The following SERPINB7 variants were observed in gnomAD, a reference collection of about 807,000 sequenced individuals.
SERPINB7 encodes serpin family B member 7.
SERPINB7 carries 31 observed loss-of-function variants against 37.4 expected under a neutral mutation model. The ratio of observed to expected loss-of-function variants is 0.83; its 90% CI spans 0.62 to 1.12. SERPINB7 has a LOEUF of 1.12. Ranked by LOEUF, SERPINB7 falls within the 50% of genes most tolerant of loss-of-function variation. The pLI is 0.00. For missense variants in SERPINB7, 521 were observed against 455.3 expected (o/e 1.14, Z -1.31); for synonymous variants, 163 against 166.1 (o/e 0.98, Z 0.14).
At chr18:63,799,199 C>A (rs181956405) in intron 6 of SERPINB7, among the ~76,000 whole-genome samples, 1 of 152,120 alleles carries the variant, frequency 6.6e-6, no homozygotes, top group Non-Finnish European at 1.5e-5. Flanking sequence ...TATGCATTTC[C>A]AAGTACAAGC....
intron 5 of SERPINB7, among the ~76,000 whole-genome samples, chr18:63,798,339 C>G (rs189082788): frequency 2.4e-4 from 36 of 152,240 alleles, no homozygotes; most frequent in African/African-American, 8.2e-4. Context: ...GTGTCTTAAT[C>G]TCTTTGTGCC....
In SERPINB7 at chr18:63,783,251, A is replaced by AAAG. The variant is rs1491309984; in HGVS notation, c.168+714_168+716dup. Among the ~76,000 whole-genome samples, 116 of 146,668 alleles carry AAAG rather than the reference A, an allele frequency of 7.9e-4. 2 individuals carry two copies. The highest frequency in any genetic ancestry group is 2.9e-3 in the African/African-American group (114 of 39,074). ...GAGAGAGAGAAAGAAAGAAAGAAAG[A>AAAG]AAGAAAGAAAGAAAGAAAGAAAGAA... On this transcript the variant is annotated intron_variant, in intron 2 of 7. Transcript: ENST00000398019.
chr18:63,802,214 C>T (rs1291315132), intron 7 of SERPINB7, among the ~76,000 whole-genome samples: 1 of 152,180 alleles, frequency 6.6e-6, no homozygotes, highest in Non-Finnish European at 1.5e-5. Context: ...TGCCCTGTGA[C>T]TGATGTGGCA....
intron 2 of SERPINB7, among the ~76,000 whole-genome samples, chr18:63,783,228 G>GAAAGAA (rs1346398259): frequency 3.1e-3 from 148 of 47,306 alleles, no homozygotes; most frequent in East Asian, 4.8e-3. Flanking sequence ...GAGAGAGAGA[G>GAAAGAA]AGAGAGAAAG....
rs778253378 is a variant in SERPINB7 at position 63,804,274 on chromosome 18, G to T, written c.782G>T (p.Trp261Leu). The T allele has an allele frequency of 3.8e-6, 6 of 1,591,874 alleles. No homozygotes were observed. ...NKLTFQNLME[W>L]TNPRRMTSKY... ...CTGACCTTTCAGAATCTAATGGAATGGACCAATCCAAGGCGAATGACCTCT... is the reference window on the plus strand; with the variant it reads ...CTGACCTTTCAGAATCTAATGGAATTGACCAATCCAAGGCGAATGACCTCT... Residue 261 changes from tryptophan to leucine, a missense_variant, in exon 8 of 8, where the codon TGG becomes TTG. Coordinates refer to ENST00000398019, the MANE Select transcript of SERPINB7 (RefSeq NM_003784.4).
chr18:63,778,140 G>T (rs1397102304), intron 1 of SERPINB7: 1 of 152,002 alleles, frequency 6.6e-6, no homozygotes, highest in African/African-American at 2.4e-5. Context: ...GATAAGTAGG[G>T]ATTATGTGCA....
At chr18:63,783,404 A>G (rs1720848) in intron 2 of SERPINB7, among the ~76,000 whole-genome samples, 20,979 of 151,964 alleles carry the variant, frequency 0.14, 2,442 homozygotes, top group East Asian at 0.44. Context: ...GAAGGGTTGA[A>G]AACCACTGCC....
At chr18:63,763,171 A>G (rs1598989916) in intron 1 of SERPINB7, among the ~76,000 whole-genome samples, 1 of 152,122 alleles carries the variant, frequency 6.6e-6, no homozygotes, top group East Asian at 1.9e-4. Flanking sequence ...GCTTTTCGTA[A>G]TCAAAGTGCT....
At chr18:63,781,427 C>G (rs1567055) in intron 1 of SERPINB7, among the ~76,000 whole-genome samples, 59,458 of 152,110 alleles carry the variant, frequency 0.39, 11,964 homozygotes, top group Middle Eastern at 0.52. Flanking sequence ...CTCCTGGCAT[C>G]TGCAACACCT....
intron 7 of SERPINB7, among the ~76,000 whole-genome samples, chr18:63,802,589 T>C (rs1483515976): frequency 1.3e-5 from 2 of 152,214 alleles, no homozygotes; most frequent in Non-Finnish European, 2.9e-5. Flanking sequence ...ATATGCATAT[T>C]TGTGTGTATG....
chr18:63,761,176 A>G (rs1476539853), intron 1 of SERPINB7, among the ~76,000 whole-genome samples: 1 of 152,240 alleles, frequency 6.6e-6, no homozygotes, highest in Admixed American at 6.5e-5. Flanking sequence ...CACCTCTTGC[A>G]TCAGCATGAC....
At chr18:63,783,222 GAGAGAGAGAGAGAAAGAAAGAAAGAA>G (rs1909935170) in intron 2 of SERPINB7, among the ~76,000 whole-genome samples, 3 of 67,362 alleles carry the variant, frequency 4.5e-5, no homozygotes, top group Admixed American at 1.8e-4. Context: ...GAGAGAGAGA[GAGAGAGAGAGAGAAAGAAAGAAAGAA>G]AGAAAGAAAG....
intron 1 of SERPINB7, among the ~76,000 whole-genome samples, chr18:63,779,102 T>A (rs900707691): frequency 6.6e-6 from 1 of 152,188 alleles, no homozygotes; most frequent in African/African-American, 2.4e-5. Context: ...GTAGCTTTAA[T>A]GTGGTTGTTT....
intron 7 of SERPINB7, among the ~76,000 whole-genome samples, chr18:63,801,483 G>A (rs1201321865): frequency 2.0e-5 from 3 of 152,174 alleles, no homozygotes; most frequent in Non-Finnish European, 4.4e-5. Flanking sequence ...TTCACTGAGG[G>A]CACAGCATTG....
rs747144218 is a variant in SERPINB7, at chr18:63,793,223, T to C, written c.282T>C (p.Tyr94=). 3.1e-6 allele frequency: 5 copies of C among 1,609,972 alleles called. No individual in the cohort carries two copies. The East Asian group carries it at 8.9e-5, about 29-fold the overall frequency. The change falls in exon 4 of 8, where the codon TAT becomes TAC. Residue 94 remains tyrosine (Y), a synonymous_variant. Coordinates refer to ENST00000398019, the MANE Select transcript of SERPINB7 (RefSeq NM_003784.4). ...FSDINASHKD[Y]DLSIVNGLFA... is the part of the protein sequence containing the mutation. ...ATATAAATGCATCCCACAAGGATTA[T>C]GATCTCAGCATTGTGAATGGGCTTT...
intron 1 of SERPINB7, among the ~76,000 whole-genome samples, chr18:63,769,100 C>T (rs1453883016): frequency 2.0e-5 from 3 of 151,990 alleles, no homozygotes; most frequent in African/African-American, 7.2e-5. Flanking sequence ...CTTTCTTTTT[C>T]CTTGGGTAAA....
chr18:63,794,700 A>C (rs2049468500), intron 4 of SERPINB7, among the ~76,000 whole-genome samples: 1 of 142,040 alleles, frequency 7.0e-6, no homozygotes, highest in South Asian at 2.4e-4. Flanking sequence ...AAAAAACAAA[A>C]AACAAATAAA....
intron 1 of SERPINB7, among the ~76,000 whole-genome samples, chr18:63,760,872 G>A (rs1183161880): frequency 2.0e-5 from 3 of 152,276 alleles, no homozygotes; most frequent in Admixed American, 6.5e-5. Flanking sequence ...TGGATGCCCA[G>A]GCAAAAGTTT....
intron 5 of SERPINB7, among the ~76,000 whole-genome samples, chr18:63,798,066 C>T (rs1206548530): frequency 6.6e-6 from 1 of 152,192 alleles, no homozygotes; most frequent in Non-Finnish European, 1.5e-5. Context: ...GATGTTGACT[C>T]TTCTGTGCTG....
Sources: allele counts gnomAD v4.1 joint callset (sites outside exome capture counted in the v4.1 genomes callset), GRCh38; gene constraint gnomAD v4.1.1; transcripts MANE v1.5; gene names NCBI Gene and HGNC (gene_info 2026-07-23, HGNC 2026-07-21).